Variants in ZNF273 observed in about 807,000 individuals in gnomAD.
ZNF273 encodes zinc finger protein 273.
In ZNF273, 11 loss-of-function variants were observed where a neutral mutation model predicts 14.9. That is an observed-to-expected ratio of 0.74 (90% confidence interval 0.46 to 1.22). The LOEUF is 1.22. Among genes scored for constraint, ZNF273 ranks in the 50% most tolerant of loss-of-function variants. The pLI is 0.00. For missense variants in ZNF273, 577 were observed against 660.6 expected, an observed-to-expected ratio of 0.87 and a Z score of 1.39; for synonymous variants, 199 against 223.9, an observed-to-expected ratio of 0.89 and a Z score of 0.99.
chr7:64,884,278 A>G (rs927478077), downstream of ZNF273, among the ~76,000 whole-genome samples: 5 of 151,938 alleles, frequency 3.3e-5, no homozygotes, highest in African/African-American at 1.2e-4. Context: ...ACTTTACAGG[A>G]GTCTCTTGGG....
At chr7:64,892,414 A>G (rs1583966488), downstream of ZNF273, among the ~76,000 whole-genome samples, 1 of 152,164 alleles carries the variant, frequency 6.6e-6, no homozygotes, top group East Asian at 1.9e-4. Flanking sequence ...TATTGTAAAT[A>G]GAAGAGAAGC....
chr7:64,936,268 C>T, the ZNF273 span, among the ~76,000 whole-genome samples: 4 of 152,076 alleles, frequency 2.6e-5, no homozygotes, highest in East Asian at 7.7e-4. Flanking sequence ...CCATTAGCTG[C>T]CAAAAACAGT....
chr7:64,932,445 T>C (rs1453651674), downstream of ZNF273, among the ~76,000 whole-genome samples: 1 of 152,000 alleles, frequency 6.6e-6, no homozygotes, highest in Non-Finnish European at 1.5e-5. Flanking sequence ...TAACTTAGAT[T>C]ACAGGCATGT....
chr7:64,914,182 ATTT>A (rs375695781), intron 1 of ZNF273, among the ~76,000 whole-genome samples: 2,634 of 70,592 alleles, frequency 0.037, 47 homozygotes, highest in East Asian at 0.12. Flanking sequence ...TAATTTTTGT[ATTT>A]TTTTTTTTTT....
At chr7:64,933,378 CTT>C (rs1329595425), downstream of ZNF273, 2 of 152,204 alleles carry the variant, frequency 1.3e-5, no homozygotes, top group Non-Finnish European at 2.9e-5. Context: ...CTCTGGAAAA[CTT>C]TTGGAGATCA....
At chr7:64,917,464 G>A in intron 1 of ZNF273, 117 bp from the exon 2 acceptor site, 1 of 1,431,762 alleles carries the variant, frequency 7.0e-7, no homozygotes, top group East Asian at 2.7e-5. Flanking sequence ...GATAATTTTA[G>A]TCACTCCTAT....
Position 64,928,932 on chromosome 7 carries a change from T to G in ZNF273, c.1604T>G (p.Ile535Ser), listed in dbSNP as rs1403896976. ...RSSNLTRHKK[I>S]HTGEKPYKPK... is the part of the protein sequence containing the mutation. ...TCAAACCTTACTCGACATAAGAAAA[T>G]TCATACTGGAGAGAAACCATACAAA... The change falls in exon 4 of 4, where the codon ATT becomes AGT. Residue 535 changes from isoleucine (I) to serine (S), a missense_variant. Ile to Ser is a moderately radical substitution (Grantham distance 142). Coordinates refer to ENST00000476120, the MANE Select transcript of ZNF273 (RefSeq NM_021148.3). 1.2e-6 allele frequency: 2 copies of G among 1,613,516 alleles called. No homozygotes were observed. The highest frequency in any genetic ancestry group is 1.7e-6 in the Non-Finnish European group (2 of 1,179,820).
intron 3 of ZNF273, among the ~76,000 whole-genome samples, chr7:64,921,488 A>C: frequency 6.6e-6 from 1 of 151,504 alleles, no homozygotes; most frequent in Non-Finnish European, 1.5e-5. Context: ...CTATGTATAT[A>C]TTGGAGCCCT....
chr7:64,936,589 A>T, the ZNF273 span, among the ~76,000 whole-genome samples: 1 of 152,248 alleles, frequency 6.6e-6, no homozygotes, highest in African/African-American at 2.4e-5. Flanking sequence ...ATAGTACTCA[A>T]CCTGGATTCA....
chr7:64,928,184 G>A lies in ZNF273; in HGVS notation c.856G>A (p.Glu286Lys), dbSNP rs1417011208. Residue 286 changes from glutamate to lysine, a missense_variant, in exon 4 of 4, where the codon GAA (glutamate) becomes AAA (lysine). Physicochemically the swap from Glu to Lys is moderately conservative, Grantham distance 56. Transcript: ENST00000476120. ...TLTKHKKIHT[E>K]EKPYKCEDCG... is the part of the protein sequence containing the mutation. ...TACTAAACATAAAAAAATTCATACT[G>A]AAGAGAAACCTTACAAATGTGAAGA... 6.2e-7 allele frequency: 1 copy of A among 1,613,324 alleles called. No homozygotes were observed. Among genetic ancestry groups the A allele is most frequent in the Non-Finnish European group, 8.5e-7 (1 of 1,179,764 alleles).
rs534582654 is a variant in ZNF273, at chr7:64,920,693, G to T, written c.325+2401G>T. Among the ~76,000 whole-genome samples the T allele has an allele frequency of 2.0e-5, 3 of 152,280 alleles. No individual in the cohort carries two copies. In the South Asian group the frequency reaches 6.2e-4, roughly 32 times the overall value. On this transcript the variant is annotated intron_variant, in intron 3 of 3. Coordinates refer to ENST00000476120, the MANE Select transcript of ZNF273 (RefSeq NM_021148.3). ...CGAATGAGGGCCTGCCTCCTGGAAAGAACACCCCTCAATCTTGAGCTTTAG... is the reference window on the plus strand; with the variant it reads ...CGAATGAGGGCCTGCCTCCTGGAAATAACACCCCTCAATCTTGAGCTTTAG...
intron 1 of ZNF273, among the ~76,000 whole-genome samples, chr7:64,905,251 G>A (rs1793018703): frequency 6.6e-6 from 1 of 151,210 alleles, no homozygotes; most frequent in Admixed American, 6.6e-5. Context: ...AAGTAGCTGG[G>A]ATTACAAGTG....
chr7:64,923,292 A>AGT (rs1368458574), intron 3 of ZNF273: 3 of 450,878 alleles, frequency 6.7e-6, no homozygotes, highest in Admixed American at 2.4e-5. Context: ...TTGAAAACTG[A>AGT]GTGACAGTCC....
At chr7:64,889,027 A>C (rs1791790348), downstream of ZNF273, 1 of 985,876 alleles carries the variant, frequency 1.0e-6, no homozygotes, top group Non-Finnish European at 1.2e-6. This position sits in a 1 kb window ranked among gnomAD's most constrained non-coding sequence, Gnocchi z 4.2. Flanking sequence ...CAAGGAACCG[A>C]GTGTCCACAA....
chr7:64,880,607 G>A (rs1791217611), downstream of ZNF273, among the ~76,000 whole-genome samples: 2 of 151,962 alleles, frequency 1.3e-5, no homozygotes, highest in South Asian at 2.1e-4. Flanking sequence ...CCTTCTGGAA[G>A]CCTCTCTGTG....
intron 1 of ZNF273, among the ~76,000 whole-genome samples, chr7:64,905,843 T>A (rs1453955549): frequency 2.0e-5 from 3 of 152,202 alleles, no homozygotes; most frequent in African/African-American, 7.2e-5. Context: ...TTGAAAAGAT[T>A]TCTTCACTTT....
At chr7:64,890,970 T>C (rs1791993453), downstream of ZNF273, among the ~76,000 whole-genome samples, 1 of 152,186 alleles carries the variant, frequency 6.6e-6, no homozygotes. Context: ...CTGGAAACCA[T>C]GAAGCTTTCA....
In ZNF273 at chr7:64,928,839, A is replaced by T; in HGVS notation, c.1511A>T (p.His504Leu). The T allele has an allele frequency of 6.2e-7, 1 of 1,613,968 alleles. No homozygotes were observed. The highest frequency in any genetic ancestry group is 8.5e-7 in the Non-Finnish European group (1 of 1,179,942). The part of the protein sequence containing the change: ...AFNWSSTLTK[H>L]KRIHTGEKPY... ...AACTGGTCCTCAACTCTTACTAAAC[A>T]TAAGAGAATTCATACTGGAGAGAAG... Residue 504 changes from histidine to leucine, a missense_variant, in exon 4 of 4, where the codon CAT becomes CTT. By Grantham distance (99) the His-to-Leu change is moderately conservative. This residue lies in a region of ZNF273 where 411 missense variants were observed against 440.4 expected (regional missense o/e 0.93). Transcript: ENST00000476120.
At chr7:64,888,726 A>C (rs1791764589) in exon 2 of ZNF273, 1 of 985,576 alleles carries the variant, frequency 1.0e-6, no homozygotes, top group African/African-American at 1.7e-5. Context: ...GGGATGGGAG[A>C]GTCCCGTTCA....
Sources: gnomAD v4.1 joint callset for allele counts (sites outside exome capture counted in the v4.1 genomes callset) on GRCh38, gnomAD v4.1.1 for gene constraint, gnomAD v4.1.1 regional missense constraint, Gnocchi (gnomAD v3.1) non-coding constraint, MANE v1.5 for transcripts, NCBI Gene and HGNC (gene_info 2026-07-23, HGNC 2026-07-21) for gene names.